Variants in MOCS1 observed in about 807,000 individuals in gnomAD.
MOCS1 encodes the protein molybdenum cofactor synthesis 1.
A neutral mutation model predicts 57.6 loss-of-function variants in MOCS1; 39 were observed. That is an observed-to-expected ratio of 0.68 (90% CI 0.52 to 0.88). The LOEUF is 0.88. MOCS1 is among the 40% of genes least tolerant of loss of function. The pLI is 0.00. For missense variants in MOCS1, 795 were observed against 831.1 expected (o/e 0.96, Z 0.53); for synonymous variants, 334 against 335.7 (o/e 1.00, Z 0.05).
chr6:39,934,207 A>T (rs959117044), intron 1 of MOCS1, 88 bp downstream of exon 1: 4 of 1,436,312 alleles, frequency 2.8e-6, no homozygotes, highest in Non-Finnish European at 3.7e-6. Flanking sequence ...GGTCAAGCAG[A>T]TAGGCCGGGA....
chr6:39,912,526 ACT>A lies in MOCS1; in HGVS notation c.871-154_871-153del, dbSNP rs1472259167. 5.8e-6 allele frequency: 4 copies of A among 684,140 alleles called. No individual in the cohort carries two copies. In the East Asian group the frequency reaches 1.1e-4, roughly 18 times the overall value. The allele number at this position is 684,140 out of a possible 1,614,324, so 42.4% of individuals were successfully genotyped here. A position where few individuals can be genotyped will look rare whatever the true frequency, so the allele number is the denominator to read the frequency against. ...ACCCAAGGCCCTCAGGTGATAGAAGACTCTGGTAGGATGGATGACCCATGGGT... is the reference window on the plus strand; with the variant it reads ...ACCCAAGGCCCTCAGGTGATAGAAGACTGGTAGGATGGATGACCCATGGGT... On this transcript the variant is annotated intron_variant, in intron 7 of 10. Coordinates refer to ENST00000340692, the MANE Select transcript of MOCS1 (RefSeq NM_001358530.2).
intron 3 of MOCS1, among the ~76,000 whole-genome samples, chr6:39,924,547 AC>A (rs1461069093): frequency 1.3e-5 from 2 of 152,252 alleles, no homozygotes; most frequent in African/African-American, 4.8e-5. Context: ...AGGGGTTGCC[AC>A]ACTTTTTCTG....
Position 39,934,396 on chromosome 6 carries a change from G to A in MOCS1, c.22C>T (p.Arg8Trp), listed in dbSNP as rs1026747618. The change falls in exon 1 of 11, where the codon CGG (arginine) becomes TGG (tryptophan). Residue 8 changes from arginine (R) to tryptophan (W), a missense_variant. Physicochemically the swap from Arg to Trp is moderately radical, Grantham distance 101. Transcript: ENST00000340692. MAARPLS[R>W]MLRRLLRSSA... ...GACCTCAGAAGCCGCCGCAGCATCC[G>A]GGACAGTGGCCGCGCCGCCATGAAG... 40 of 1,565,218 alleles carry A rather than the reference G, an allele frequency of 2.6e-5. No homozygotes were observed. The highest frequency in any genetic ancestry group is 2.9e-5 in the Non-Finnish European group (34 of 1,160,476).
At position 39,906,610 on chromosome 6, in the gene MOCS1, A is replaced by C; in HGVS notation, c.1658T>G (p.Leu553Arg). 6.2e-7 allele frequency: 1 copy of C among 1,613,932 alleles called. No homozygotes were observed. Among genetic ancestry groups the C allele is most frequent in the Non-Finnish European group, 8.5e-7 (1 of 1,180,048 alleles). The stretch of plus-strand genomic sequence containing the variant: ...GTGGCTCAGGGCCACGTGGTGGCAC[A>C]GAGGGATCAGCTGGCTGGTCACCTT... Reference protein sequence around the residue: ...AAKVTSQLIPLCHHVALSHIQ... With the variant: ...AAKVTSQLIPRCHHVALSHIQ... The change falls in exon 11 of 11, where the codon CTG becomes CGG. Residue 553 changes from leucine to arginine, a missense_variant. Coordinates refer to ENST00000340692, the MANE Select transcript of MOCS1 (RefSeq NM_001358530.2).
intron 2 of MOCS1, 142 bp downstream of exon 2, chr6:39,927,187 G>T: frequency 9.6e-7 from 1 of 1,043,748 alleles, no homozygotes; most frequent in Non-Finnish European, 1.4e-6. Flanking sequence ...AGCCCACCTG[G>T]CCTGGTAAGC....
chr6:39,916,794 G>A (rs747342813), intron 3 of MOCS1, among the ~76,000 whole-genome samples: 1 of 152,174 alleles, frequency 6.6e-6, no homozygotes, highest in Non-Finnish European at 1.5e-5. Flanking sequence ...AGCCCAGAAA[G>A]GTAAATTAGT....
intron 3 of MOCS1, among the ~76,000 whole-genome samples, chr6:39,921,829 G>A (rs1239593604): frequency 6.6e-6 from 1 of 152,128 alleles, no homozygotes; most frequent in Non-Finnish European, 1.5e-5. Context: ...TTTGTTACAT[G>A]GGTTAACTTG....
chr6:39,908,200 C>A (rs1221772111), intron 10 of MOCS1, among the ~76,000 whole-genome samples: 1 of 152,214 alleles, frequency 6.6e-6, no homozygotes, highest in East Asian at 1.9e-4. Flanking sequence ...CCTGCCTTCC[C>A]CTCTGGGCCA....
intron 10 of MOCS1, 90 bp downstream of exon 10, chr6:39,908,965 C>T (rs1767122976): frequency 4.7e-6 from 5 of 1,053,510 alleles, no homozygotes; most frequent in Non-Finnish European, 7.5e-6. Context: ...GCATGAAATG[C>T]AGGAGCTGGG....
In MOCS1 at chr6:39,909,091, T is replaced by C; in HGVS notation, c.1114A>G (p.Ile372Val). ...ATGGGCCGGTTCTTCATCTGGGAAATACTGAACATGCCTGGGGTGAGGGAA... is the reference window on the plus strand; with the variant it reads ...ATGGGCCGGTTCTTCATCTGGGAAACACTGAACATGCCTGGGGTGAGGGAA... ...KKRQHAGMFS[I>V]SQMKNRPMIL... The change falls in exon 10 of 11, where the codon ATT (isoleucine) becomes GTT (valine). Residue 372 changes from isoleucine (I) to valine (V), a missense_variant. Coordinates refer to ENST00000340692, the MANE Select transcript of MOCS1 (RefSeq NM_001358530.2). 1.9e-6 allele frequency: 3 copies of C among 1,602,698 alleles called. No individual in the cohort carries two copies. Among genetic ancestry groups the C allele is most frequent in the Non-Finnish European group, 2.5e-6 (3 of 1,177,614 alleles).
chr6:39,915,941 G>T, intron 4 of MOCS1, 127 bp downstream of exon 4: 2 of 1,110,098 alleles, frequency 1.8e-6, no homozygotes, highest in Non-Finnish European at 1.3e-6. Flanking sequence ...AGAAATAAGT[G>T]CTTTGACTTA....
chr6:39,906,949 A>G lies in MOCS1; in HGVS notation c.1319T>C (p.Leu440Pro). 1 of 1,614,108 alleles carries G rather than the reference A, an allele frequency of 6.2e-7. No individual in the cohort carries two copies. Among genetic ancestry groups the G allele is most frequent in the Non-Finnish European group, 8.5e-7 (1 of 1,180,002 alleles). ...GTGTCTCTGAAAGGAGCCAGACCCC[A>G]GCCGCTGCTGGGCTAGAGGAGGGGT... The part of the protein sequence containing the change: ...PQTPPLAQQR[L>P]GSGSFQRHYT... Residue 440 changes from leucine to proline, a missense_variant, in exon 11 of 11, where the codon CTG becomes CCG. This residue lies in a region of MOCS1 where 374 missense variants were observed against 422.6 expected (regional missense o/e 0.89). Coordinates refer to ENST00000340692, the MANE Select transcript of MOCS1 (RefSeq NM_001358530.2).
rs1562100084 is a variant in MOCS1 at position 39,925,781 on chromosome 6, C to T, written c.315G>A (p.Glu105=). 1.9e-5 allele frequency: 31 copies of T among 1,612,854 alleles called. No homozygotes were observed. Among genetic ancestry groups the T allele is most frequent in the Non-Finnish European group, 2.6e-5 (31 of 1,179,982 alleles). ...LTPKANLLTT[E]EILTLARLFV... The stretch of plus-strand genomic sequence containing the variant: ...AGAGCCGGGCGAGGGTCAGGATCTC[C>T]TCTGTGGTCAGCAGGTTGGCTTTGG... The change falls in exon 3 of 11, where the codon GAG becomes GAA. Residue 105 remains glutamate (E), a synonymous_variant. Coordinates refer to ENST00000340692, the MANE Select transcript of MOCS1 (RefSeq NM_001358530.2).
intron 1 of MOCS1, among the ~76,000 whole-genome samples, chr6:39,932,007 A>G (rs1768668624): frequency 6.6e-6 from 1 of 151,940 alleles, no homozygotes; most frequent in South Asian, 2.1e-4. Flanking sequence ...TCCTTTCCAT[A>G]GCTAGAAGCT....
rs1295253043 is a variant in MOCS1, at chr6:39,916,201, G to A, written c.450C>T (p.Thr150=). 2 of 1,613,854 alleles carry A rather than the reference G, an allele frequency of 1.2e-6. No homozygotes were observed. The highest frequency in any genetic ancestry group is 1.3e-5 in the African/African-American group (1 of 74,918). Residue 150 remains threonine (T), a synonymous_variant, in exon 4 of 11, where the codon ACC becomes ACT. Transcript: ENST00000340692. Reference sequence around the variant, plus strand: ...TGATGCCATTGGTGGTAACACCTATGGTTCTCAGCCCTTCCAGCCGCTGGA... The same window carrying A: ...TGATGCCATTGGTGGTAACACCTATAGTTCTCAGCCCTTCCAGCCGCTGGA... ...AQLQRLEGLR[T]IGVTTNGINL...
intron 4 of MOCS1, among the ~76,000 whole-genome samples, chr6:39,915,377 C>T (rs558535906): frequency 6.6e-6 from 1 of 152,124 alleles, no homozygotes; most frequent in African/African-American, 2.4e-5. Context: ...GTCTCCCTGC[C>T]ACCCCTCTGA....
rs1247248024 is a variant in MOCS1, at chr6:39,905,349, C to T, written c.*1008G>A. ...TGCCCCCTACTCCACTTTATTTTCC[C>T]ATAGCGGGGCTATACAGAGAGTACA... is the stretch of plus-strand genomic sequence containing the variant. On this transcript the variant is annotated 3_prime_UTR_variant, in exon 11 of 11. Coordinates refer to ENST00000340692, the MANE Select transcript of MOCS1 (RefSeq NM_001358530.2). The T allele has an allele frequency of 2.2e-6, 1 of 458,876 alleles. No homozygotes were observed. Among genetic ancestry groups the T allele is most frequent in the Non-Finnish European group, 4.4e-6 (1 of 226,996 alleles). The allele number at this position is 458,876 out of a possible 1,614,324, so 28.4% of individuals were successfully genotyped here. A position where few individuals can be genotyped will look rare whatever the true frequency, so the allele number is the denominator to read the frequency against.
chr6:39,908,270 CCT>C (rs1241284223), intron 10 of MOCS1, among the ~76,000 whole-genome samples: 2 of 152,176 alleles, frequency 1.3e-5, no homozygotes, highest in East Asian at 1.9e-4. Context: ...TTTTCTCCCC[CCT>C]GCTTTTTCTT....
At chr6:39,917,920 T>G (rs1204950826) in intron 3 of MOCS1, among the ~76,000 whole-genome samples, 1 of 152,104 alleles carries the variant, frequency 6.6e-6, no homozygotes, top group Non-Finnish European at 1.5e-5. Flanking sequence ...AAGAGCTGGA[T>G]ACAAAAGATC....
Sources: allele counts gnomAD v4.1 joint callset (sites outside exome capture counted in the v4.1 genomes callset), GRCh38; gene constraint gnomAD v4.1.1; regional missense constraint gnomAD v4.1.1; transcripts MANE v1.5; gene names NCBI Gene and HGNC (gene_info 2026-07-23, HGNC 2026-07-21).